Variants in PARL observed in about 807,000 individuals in gnomAD.
PARL encodes presenilin associated rhomboid like.
In PARL, 44 loss-of-function variants were observed where a neutral mutation model predicts 51.6. That is an observed-to-expected ratio of 0.85 (90% CI 0.67 to 1.10). The LOEUF is 1.10. Ranked by LOEUF, PARL falls within the 50% of genes least tolerant of loss-of-function variation. The pLI is 0.00. For synonymous variants in PARL, 172 were observed against 164.0 expected (o/e 1.05, Z -0.37); for missense variants, 441 against 469.5 (o/e 0.94, Z 0.56).
rs569965648 is a variant in PARL at position 183,877,852 on chromosome 3, A to G, written c.125+6870T>C. Among the ~76,000 whole-genome samples, 4 of 151,232 alleles carry G rather than the reference A, an allele frequency of 2.6e-5. No homozygotes were observed. In the East Asian group the frequency reaches 7.8e-4, roughly 29 times the overall value. On this transcript the variant is annotated intron_variant, in intron 1 of 9. Transcript: ENST00000317096. ...GTCACCCAGGCTGGAGCGCAGTGGC[A>G]TGATCTCGGCTCACTGCAATCTCCA...
intron 1 of PARL, among the ~76,000 whole-genome samples, chr3:183,874,638 C>T (rs1190011717): frequency 6.6e-6 from 1 of 152,042 alleles, no homozygotes; most frequent in Non-Finnish European, 1.5e-5. Flanking sequence ...CGAACTCAAA[C>T]CTCACGTGAT....
chr3:183,884,475 T>C (rs1272213249), intron 1 of PARL, among the ~76,000 whole-genome samples: 1 of 152,208 alleles, frequency 6.6e-6, no homozygotes, highest in African/African-American at 2.4e-5. Context: ...CTCAGCTTAG[T>C]TCCCCTTCCA....
chr3:183,851,161 T>C (rs1730506463), intron 4 of PARL, among the ~76,000 whole-genome samples: 1 of 152,148 alleles, frequency 6.6e-6, no homozygotes, highest in Non-Finnish European at 1.5e-5. Context: ...TCCGAATTAA[T>C]CAAATGCCTA....
chr3:183,838,026 C>CTTTTT (rs112834345), intron 7 of PARL, among the ~76,000 whole-genome samples: 1 of 145,664 alleles, frequency 6.9e-6, no homozygotes, highest in African/African-American at 2.5e-5. Flanking sequence ...ATTCAACTTT[C>CTTTTT]TTTTTTTTTT....
intron 6 of PARL, 55 bp from the exon 7 acceptor site, chr3:183,840,695 T>G: frequency 1.1e-6 from 1 of 897,178 alleles, no homozygotes; most frequent in Non-Finnish European, 1.8e-6. Flanking sequence ...ATGGTTTACT[T>G]TTTTTTTTCT....
At chr3:183,844,400 G>C (rs1729709950) in intron 4 of PARL, 74 bp from the exon 5 acceptor site, 1 of 932,820 alleles carries the variant, frequency 1.1e-6, no homozygotes, top group Non-Finnish European at 1.7e-6. Context: ...TTACCCCCTT[G>C]TAAGATTCTT....
At chr3:183,876,671 A>C (rs1325814908) in intron 1 of PARL, among the ~76,000 whole-genome samples, 1 of 151,312 alleles carries the variant, frequency 6.6e-6, no homozygotes, top group Non-Finnish European at 1.5e-5. Context: ...AAGAAAGAAA[A>C]AGAAATATAT....
chr3:183,884,561 G>T (rs1013445511), intron 1 of PARL, among the ~76,000 whole-genome samples, 161 bp downstream of exon 1: 1 of 152,220 alleles, frequency 6.6e-6, no homozygotes, highest in South Asian at 2.1e-4. Context: ...AGCGAGAAGC[G>T]AGGACTGGAC....
chr3:183,833,661 G>T, intron 8 of PARL, 63 bp downstream of exon 8: 1 of 1,458,164 alleles, frequency 6.9e-7, no homozygotes, highest in South Asian at 1.1e-5. Flanking sequence ...TTAAGGGCAA[G>T]AACCCACTCA....
rs891142026 is a variant in PARL at position 183,860,960 on chromosome 3, T to A, written c.511+1793A>T. Among the ~76,000 whole-genome samples, 4 of 151,988 alleles carry A rather than the reference T, an allele frequency of 2.6e-5. No individual in the cohort carries two copies. In the East Asian group the frequency reaches 7.7e-4, roughly 29 times the overall value. On this transcript the variant is annotated intron_variant, in intron 4 of 9. Transcript: ENST00000317096. ...CCCTAGTAGCTGGGATTAACAGGCG[T>A]GCACCACCACGCCTAAGCTAATTTT...
intron 4 of PARL, among the ~76,000 whole-genome samples, chr3:183,861,624 T>C (rs1402309525): frequency 6.6e-6 from 1 of 152,186 alleles, no homozygotes; most frequent in African/African-American, 2.4e-5. Flanking sequence ...CTTTCTCCAC[T>C]TAAGTACAGA....
At chr3:183,853,604 A>T (rs1219335720) in intron 4 of PARL, among the ~76,000 whole-genome samples, 1 of 152,190 alleles carries the variant, frequency 6.6e-6, no homozygotes, top group Admixed American at 6.5e-5. Flanking sequence ...AAAAAATCAA[A>T]TAACTCGAGT....
chr3:183,842,153 C>T, intron 6 of PARL, 145 bp downstream of exon 6: 1 of 839,332 alleles, frequency 1.2e-6, no homozygotes, highest in Non-Finnish European at 2.0e-6. Flanking sequence ...ATCTGTGGCT[C>T]CCTTCTCTAC....
At chr3:183,882,245 T>TTATATATATATATATATATATATATTTA (rs71963110) in intron 1 of PARL, among the ~76,000 whole-genome samples, 2 of 29,350 alleles carry the variant, frequency 6.8e-5, no homozygotes, top group Non-Finnish European at 1.3e-4. Context: ...ATATATATAT[T>TTATATATATATATATATATATATATTTA]TATATATATA....
At chr3:183,860,204 T>C (rs1478448289) in intron 4 of PARL, among the ~76,000 whole-genome samples, 2 of 151,950 alleles carry the variant, frequency 1.3e-5, no homozygotes, top group Admixed American at 6.6e-5. Context: ...CAATCAGGAG[T>C]GCTCAGCAAG....
intron 1 of PARL, among the ~76,000 whole-genome samples, chr3:183,874,843 AG>A (rs2108700842): frequency 6.6e-6 from 1 of 152,336 alleles, no homozygotes; most frequent in African/African-American, 2.4e-5. Flanking sequence ...AAGCTAAGGC[AG>A]GAAGATCACT....
chr3:183,875,243 C>T (rs1733655559), intron 1 of PARL, among the ~76,000 whole-genome samples: 1 of 151,776 alleles, frequency 6.6e-6, no homozygotes. Flanking sequence ...TGTGAAACTC[C>T]ATCTCTACTA....
In PARL at chr3:183,850,450, T is replaced by C. The variant is rs541592157; in HGVS notation, c.512-6124A>G. 5.9e-5 allele frequency among the ~76,000 whole-genome samples: 9 copies of C among 152,362 alleles called. No individual in the cohort carries two copies. In the South Asian group the frequency reaches 1.9e-3, roughly 32 times the overall value. On this transcript the variant is annotated intron_variant, in intron 4 of 9. Coordinates refer to ENST00000317096, the MANE Select transcript of PARL (RefSeq NM_018622.7). ...ATTTAAGGTACATCCTAATGTAATA[T>C]GATCTCTCTGTAACTAATCAAATCT...
intron 4 of PARL, among the ~76,000 whole-genome samples, chr3:183,857,472 A>G (rs568350700): frequency 2.0e-5 from 3 of 152,228 alleles, no homozygotes; most frequent in African/African-American, 7.2e-5. Flanking sequence ...ATATTAAGTG[A>G]AAAAAAATCA....
Sources: gnomAD v4.1 joint callset for allele counts (sites outside exome capture counted in the v4.1 genomes callset) on GRCh38, gnomAD v4.1.1 for gene constraint, MANE v1.5 for transcripts, NCBI Gene and HGNC (gene_info 2026-07-23, HGNC 2026-07-21) for gene names.